Variants in MKLN1 observed in about 807,000 individuals in gnomAD.
The protein encoded by MKLN1 is muskelin 1.
MKLN1 carries 18 observed loss-of-function variants against 99.0 expected under a neutral mutation model. The ratio of observed to expected loss-of-function variants is 0.18; its 90% CI spans 0.13 to 0.27. The LOEUF (loss-of-function observed/expected upper bound fraction) is 0.27. Among genes scored for constraint, MKLN1 ranks in the 10% least tolerant of loss-of-function variants. MKLN1 has a pLI of 1.00. For missense variants in MKLN1, 621 were observed against 875.9 expected (o/e 0.71, Z 3.67); for synonymous variants, 288 against 293.2 (o/e 0.98, Z 0.18).
At chr7:131,476,614 T>G (rs776667528) in intron 16 of MKLN1, among the ~76,000 whole-genome samples, 3 of 152,222 alleles carry the variant, frequency 2.0e-5, no homozygotes, top group Non-Finnish European at 4.4e-5. Context: ...AATGGAGAGA[T>G]ATATTTATGG....
intron 17 of MKLN1, among the ~76,000 whole-genome samples, chr7:131,482,618 G>A (rs1385380948): frequency 4.6e-5 from 7 of 152,116 alleles, no homozygotes; most frequent in Non-Finnish European, 1.0e-4. Context: ...TCCTAGCCAG[G>A]CATGGTGGTG....
intron 1 of MKLN1, among the ~76,000 whole-genome samples, chr7:131,354,694 G>T (rs1470495243): frequency 1.3e-5 from 2 of 151,996 alleles, no homozygotes; most frequent in Admixed American, 6.6e-5. Context: ...GGATGTAAAG[G>T]ATTTAACTGT....
At chr7:131,236,975 C>G (rs1003912962) in intron 3 of MKLN1, among the ~76,000 whole-genome samples, 3 of 152,010 alleles carry the variant, frequency 2.0e-5, no homozygotes, top group African/African-American at 7.3e-5. Context: ...GGTGACAGAG[C>G]GAGACTCTGT....
At chr7:131,316,018 T>C (rs982126661) in intron 3 of MKLN1, among the ~76,000 whole-genome samples, 22 of 152,298 alleles carry the variant, frequency 1.4e-4, no homozygotes, top group Non-Finnish European at 2.9e-4. Context: ...GCCTGCTGGC[T>C]CTGAAGAGAG....
At chr7:131,372,221 A>G (rs1442272419) in intron 1 of MKLN1, among the ~76,000 whole-genome samples, 3 of 152,042 alleles carry the variant, frequency 2.0e-5, no homozygotes, top group Non-Finnish European at 4.4e-5. Flanking sequence ...TAACATGTAT[A>G]TCAGTGTGAT....
At chr7:131,397,632 A>G (rs1425790181) in intron 5 of MKLN1, among the ~76,000 whole-genome samples, 2 of 152,224 alleles carry the variant, frequency 1.3e-5, no homozygotes, top group Admixed American at 6.5e-5. Context: ...GAGAGATTAA[A>G]TAGTTTGCCT....
At chr7:131,449,166 G>A (rs1380758265) in intron 12 of MKLN1, among the ~76,000 whole-genome samples, 1 of 152,212 alleles carries the variant, frequency 6.6e-6, no homozygotes, top group African/African-American at 2.4e-5. Context: ...GAAGAACCAT[G>A]TGAAGAACTG....
At chr7:131,405,771 G>T (rs456024) in intron 6 of MKLN1, among the ~76,000 whole-genome samples, 1 of 152,094 alleles carries the variant, frequency 6.6e-6, no homozygotes, top group African/African-American at 2.4e-5. Flanking sequence ...TAATTGCATA[G>T]GGGCCAGAGT....
chr7:131,376,146 T>TGTAG (rs1793654225), intron 2 of MKLN1, among the ~76,000 whole-genome samples: 1 of 103,910 alleles, frequency 9.6e-6, no homozygotes, highest in Admixed American at 1.0e-4. Context: ...GTATGATGTA[T>TGTAG]GTATTTTTTT....
chr7:131,399,674 G>A (rs1794473820), intron 6 of MKLN1, among the ~76,000 whole-genome samples: 1 of 152,040 alleles, frequency 6.6e-6, no homozygotes, highest in South Asian at 2.1e-4. Flanking sequence ...TTGTCATCTT[G>A]GGAAACCATG....
At chr7:131,333,256 G>C (rs962907530) in intron 1 of MKLN1, among the ~76,000 whole-genome samples, 1 of 150,962 alleles carries the variant, frequency 6.6e-6, no homozygotes, top group Non-Finnish European at 1.5e-5. Flanking sequence ...AAATTTTTTT[G>C]TAGAGATGGG....
intron 3 of MKLN1, among the ~76,000 whole-genome samples, chr7:131,322,823 G>A (rs1392424829): frequency 6.6e-6 from 1 of 151,858 alleles, no homozygotes; most frequent in African/African-American, 2.4e-5. Context: ...ACCCGCCTCG[G>A]CCTCCCAAAG....
chr7:131,120,867 C>T (rs1335631442), intron 1 of MKLN1, among the ~76,000 whole-genome samples: 1 of 152,220 alleles, frequency 6.6e-6, no homozygotes, highest in East Asian at 1.9e-4. Context: ...GTGTTCCAAC[C>T]TCTGCCCGTT....
intron 3 of MKLN1, among the ~76,000 whole-genome samples, chr7:131,213,187 G>T (rs940702943): frequency 2.0e-5 from 3 of 151,934 alleles, no homozygotes; most frequent in African/African-American, 4.8e-5. Context: ...TTTTGTGTTT[G>T]TAAAGTATAA....
At chr7:131,154,304 A>G (rs1292845328) in intron 2 of MKLN1, among the ~76,000 whole-genome samples, 1 of 152,012 alleles carries the variant, frequency 6.6e-6, no homozygotes, top group Admixed American at 6.6e-5. Context: ...CTGGTCTCGA[A>G]CTCCTAACCT....
chr7:131,341,880 T>G (rs1394401692), intron 1 of MKLN1, among the ~76,000 whole-genome samples: 1 of 152,208 alleles, frequency 6.6e-6, no homozygotes, highest in Non-Finnish European at 1.5e-5. Context: ...TAATGCTTGC[T>G]AACCCACCGC....
At chr7:131,144,750 G>A (rs969096300) in intron 2 of MKLN1, among the ~76,000 whole-genome samples, 9 of 151,920 alleles carry the variant, frequency 5.9e-5, no homozygotes, top group African/African-American at 2.2e-4. Context: ...GGGCGAGGTG[G>A]GCGGATCACC....
At chr7:131,159,337 T>TACACAC (rs149930072) in intron 2 of MKLN1, among the ~76,000 whole-genome samples, 5 of 151,182 alleles carry the variant, frequency 3.3e-5, no homozygotes, top group Non-Finnish European at 7.4e-5. Flanking sequence ...AAAATGTGGA[T>TACACAC]ACACACACAC....
intron 3 of MKLN1, among the ~76,000 whole-genome samples, chr7:131,252,816 G>A (rs1797603173): frequency 6.6e-6 from 1 of 152,160 alleles, no homozygotes; most frequent in African/African-American, 2.4e-5. Context: ...GCACAAGGGG[G>A]ATGGTTCTTA....
Sources: allele counts gnomAD v4.1 joint callset (sites outside exome capture counted in the v4.1 genomes callset), GRCh38; gene constraint gnomAD v4.1.1; transcripts MANE v1.5; gene names NCBI Gene and HGNC (gene_info 2026-07-23, HGNC 2026-07-21).